The following STMN3 variants were observed in gnomAD, a reference collection of about 807,000 sequenced individuals.
STMN3 encodes stathmin-3.
Under a neutral mutation model 23.2 loss-of-function variants are expected in STMN3, and 24 were observed. The ratio of observed to expected loss-of-function variants is 1.03; its 90% CI spans 0.75 to 1.45. The LOEUF (loss-of-function observed/expected upper bound fraction) is 1.45. STMN3 is among the 40% of genes most tolerant of loss of function. The probability of loss-of-function intolerance (pLI) is 0.00; values close to 1 mark genes in which losing one functional copy is unlikely to be tolerated. For synonymous variants in STMN3, 117 were observed against 103.4 expected (o/e 1.13, Z -0.80); for missense variants, 235 against 237.6 (o/e 0.99, Z 0.07).
intron 1 of STMN3, among the ~76,000 whole-genome samples, chr20:63,646,293 A>C (rs2089808301): frequency 6.6e-6 from 1 of 151,964 alleles, no homozygotes; most frequent in Non-Finnish European, 1.5e-5. Flanking sequence ...GTCTTCAGGG[A>C]GGGAGATGGA....
At chr20:63,650,556 C>G (rs536145554) in intron 1 of STMN3, among the ~76,000 whole-genome samples, 21 of 124,050 alleles carry the variant, frequency 1.7e-4, no homozygotes, top group African/African-American at 5.7e-4. Context: ...CCACCCCTCC[C>G]GTCGCCCAGG....
chr20:63,653,059 G>A (rs950725214), intron 1 of STMN3, among the ~76,000 whole-genome samples: 18 of 151,716 alleles, frequency 1.2e-4, no homozygotes, highest in South Asian at 8.3e-4. Context: ...CGCGCCCTGC[G>A]TGGCACGCTG....
chr20:63,647,047 C>G (rs1229617110), intron 1 of STMN3, among the ~76,000 whole-genome samples: 1 of 152,022 alleles, frequency 6.6e-6, no homozygotes, highest in African/African-American at 2.4e-5. Context: ...GTGGCTCATG[C>G]CTGTAATCCC....
At chr20:63,650,316 AC>A (rs2089847875) in intron 1 of STMN3, among the ~76,000 whole-genome samples, 1 of 152,178 alleles carries the variant, frequency 6.6e-6, no homozygotes, top group South Asian at 2.1e-4. Flanking sequence ...AACATTAGAT[AC>A]CGAGGAAATG....
rs1555897550 is a variant in STMN3, at chr20:63,647,981, C to CATATATACATAT, written c.20-3673_20-3672insATATGTATATAT. Among the ~76,000 whole-genome samples the CATATATACATAT allele has an allele frequency of 2.0e-3, 139 of 68,738 alleles. 4 individuals are homozygous for CATATATACATAT. The highest frequency in any genetic ancestry group is 8.3e-3 in the African/African-American group (136 of 16,364). The allele number at this position is 68,738 out of a possible 152,430, so 45.1% of individuals were successfully genotyped here. On this transcript the variant is annotated intron_variant, in intron 1 of 4. Transcript: ENST00000370053. ...ATATGTATATATATATATATATATA[C>CATATATACATAT]ATATATATATACAGAGAGAGAGAGA...
chr20:63,643,599 A>G (rs1205833427), intron 3 of STMN3, 157 bp downstream of exon 3: 3 of 982,128 alleles, frequency 3.1e-6, no homozygotes, highest in African/African-American at 3.5e-5. Context: ...TCCCATTCTT[A>G]TCTCTCAGAA....
chr20:63,651,830 A>G (rs2089860986), intron 1 of STMN3, among the ~76,000 whole-genome samples: 1 of 152,190 alleles, frequency 6.6e-6, no homozygotes, highest in African/African-American at 2.4e-5. Flanking sequence ...AGCAGAGGCC[A>G]CAAAAGAGCG....
intron 1 of STMN3, among the ~76,000 whole-genome samples, chr20:63,647,134 CCT>C (rs2089815143): frequency 6.6e-6 from 1 of 151,274 alleles, no homozygotes; most frequent in African/African-American, 2.4e-5. Context: ...ATGGCGAAAC[CCT>C]GTCTCTACTA....
chr20:63,644,986 G>A (rs2089798685), intron 1 of STMN3, among the ~76,000 whole-genome samples: 1 of 152,166 alleles, frequency 6.6e-6, no homozygotes, highest in African/African-American at 2.4e-5. Flanking sequence ...CTGCCTGTCT[G>A]GGTCTCTGTT....
At chr20:63,650,173 C>T (rs1224143045) in intron 1 of STMN3, among the ~76,000 whole-genome samples, 3 of 151,942 alleles carry the variant, frequency 2.0e-5, no homozygotes, top group Non-Finnish European at 4.4e-5. Flanking sequence ...CGCCCGGCCC[C>T]TCCCTCTCTT....
rs1042383393 is a variant in STMN3, at chr20:63,652,586, G to A, written c.19+741C>T. ...GGTGGGCGCTACCTTCGAAGGCGGTGGGTCCGCCCCGCGGGAGGTGGAGGG... is the reference window on the plus strand; with the variant it reads ...GGTGGGCGCTACCTTCGAAGGCGGTAGGTCCGCCCCGCGGGAGGTGGAGGG... On this transcript the variant is annotated intron_variant, in intron 1 of 4. Coordinates refer to ENST00000370053, the MANE Select transcript of STMN3 (RefSeq NM_015894.4). The surrounding 1 kb of genome is among the most constrained non-coding windows in gnomAD (Gnocchi z 5.3). The A allele has an allele frequency of 1.3e-4, 126 of 985,318 alleles. No individual in the cohort carries two copies. The African/African-American group carries it at 2.1e-3, about 17-fold the overall frequency. 61.0% of individuals were successfully genotyped at this position (985,318 alleles called of 1,614,324 possible).
At chr20:63,642,366 C>T in intron 3 of STMN3, 67 bp from the exon 4 acceptor site, 1 of 1,212,208 alleles carries the variant, frequency 8.2e-7, no homozygotes, top group Non-Finnish European at 1.1e-6. Flanking sequence ...CTCCTCCCTG[C>T]TCTCCGCCTC....
rs990638541 is a variant in STMN3, at chr20:63,640,955, G to A, written c.*383C>T. On this transcript the variant is annotated 3_prime_UTR_variant, in exon 5 of 5. Transcript: ENST00000370053. ...CTGTAGCCTCGCCTGCTGGCCAGGGGCGCCGGCTCAGAGGACCTGCCCTGA... is the reference window on the plus strand; with the variant it reads ...CTGTAGCCTCGCCTGCTGGCCAGGGACGCCGGCTCAGAGGACCTGCCCTGA... 1.5e-5 allele frequency: 5 copies of A among 341,232 alleles called. No homozygotes were observed. The highest frequency in any genetic ancestry group is 2.8e-5 in the Non-Finnish European group (5 of 178,278). 21.1% of individuals were successfully genotyped at this position (341,232 alleles called of 1,614,324 possible).
intron 1 of STMN3, among the ~76,000 whole-genome samples, chr20:63,647,975 T>G (rs1569070358): frequency 1.3e-5 from 1 of 77,622 alleles, no homozygotes; most frequent in African/African-American, 5.7e-5. Context: ...TATATATATA[T>G]ATATACATAT....
intron 3 of STMN3, 107 bp downstream of exon 3, chr20:63,643,649 A>G (rs1164874692): frequency 1.4e-6 from 2 of 1,406,748 alleles, no homozygotes; most frequent in Middle Eastern, 2.6e-4. Context: ...CTCCAGGCCA[A>G]GGCACTGACC....
At chr20:63,644,018 C>T in intron 2 of STMN3, 87 bp from the exon 3 acceptor site, 3 of 1,543,406 alleles carry the variant, frequency 1.9e-6, no homozygotes, top group Non-Finnish European at 2.6e-6. Context: ...CACATCCAAC[C>T]CCAGGGCTGG....
In STMN3 at chr20:63,652,795, G is replaced by C; in HGVS notation, c.19+532C>G. 1.0e-6 allele frequency: 1 copy of C among 985,398 alleles called. No homozygotes were observed. Among genetic ancestry groups the C allele is most frequent in the Non-Finnish European group, 1.2e-6 (1 of 829,898 alleles). 61.0% of individuals were successfully genotyped at this position (985,398 alleles called of 1,614,324 possible). On this transcript the variant is annotated intron_variant, in intron 1 of 4. Coordinates refer to ENST00000370053, the MANE Select transcript of STMN3 (RefSeq NM_015894.4). This position sits in a 1 kb window ranked among gnomAD's most constrained non-coding sequence, Gnocchi z 5.3. The stretch of plus-strand genomic sequence containing the variant: ...GGGAGGGCGCGGTCCCCCTCACTCC[G>C]GGCTCCGCCGTGTCTGGCCCGCCCC...
intron 1 of STMN3, among the ~76,000 whole-genome samples, chr20:63,647,954 A>ATG (rs2089829241): frequency 8.1e-5 from 4 of 49,152 alleles, no homozygotes; most frequent in African/African-American, 1.0e-4. Context: ...GTGTGTATAT[A>ATG]TATATGTATA....
chr20:63,643,570 C>G (rs1308735714), intron 3 of STMN3, 186 bp downstream of exon 3: 1 of 936,058 alleles, frequency 1.1e-6, no homozygotes, highest in Non-Finnish European at 1.3e-6. Flanking sequence ...CGTGAGCCAC[C>G]ACACCCGGCC....
Sources: gnomAD v4.1 joint callset for allele counts (sites outside exome capture counted in the v4.1 genomes callset) on GRCh38, gnomAD v4.1.1 for gene constraint, Gnocchi (gnomAD v3.1) non-coding constraint, MANE v1.5 for transcripts, NCBI Gene and HGNC (gene_info 2026-07-23, HGNC 2026-07-21) for gene names.